DIAPH2: variants seen among roughly 807,000 people sequenced by gnomAD.
The protein encoded by DIAPH2 is protein diaphanous homolog 2.
DIAPH2 carries 35 observed loss-of-function variants against 92.7 expected under a neutral mutation model. That is an observed-to-expected ratio of 0.38 (90% CI 0.29 to 0.50). The LOEUF is 0.50. Among genes scored for constraint, DIAPH2 ranks in the 20% least tolerant of loss-of-function variants. The probability of loss-of-function intolerance (pLI) is 0.94; values close to 1 mark genes in which losing one functional copy is unlikely to be tolerated. For synonymous variants in DIAPH2, 301 were observed against 280.4 expected (o/e 1.07, Z -0.73); for missense variants, 701 against 819.5 (o/e 0.86, Z 1.77).
At chrX:97,104,146 T>TA (rs1466665723) in intron 20 of DIAPH2, among the ~76,000 whole-genome samples, 2 of 111,792 alleles carry the variant, frequency 1.8e-5, no homozygotes, top group East Asian at 5.6e-4. Flanking sequence ...TGACTGTCTA[T>TA]AATCCCAACT....
chrX:96,685,208 C>T lies in DIAPH2; in HGVS notation c.132+18C>T. ...CCAAATTGGTGAGTGCTCCCGCAGCCCCCGCCGGCCTTAGGGACAGGGAGA... is the reference window on the plus strand; with the variant it reads ...CCAAATTGGTGAGTGCTCCCGCAGCTCCCGCCGGCCTTAGGGACAGGGAGA... On this transcript the variant is annotated intron_variant, in intron 1 of 26. Transcript: ENST00000324765. 2.0e-6 allele frequency: 2 copies of T among 990,380 alleles called. No individual in the cohort carries two copies. Among genetic ancestry groups the T allele is most frequent in the Non-Finnish European group, 2.6e-6 (2 of 776,780 alleles). 81.6% of individuals were successfully genotyped at this position (990,380 alleles called of 1,213,427 possible).
chrX:96,846,725 A>T (rs2064974914), intron 4 of DIAPH2, among the ~76,000 whole-genome samples: 1 of 108,824 alleles, frequency 9.2e-6, no homozygotes, highest in Non-Finnish European at 1.9e-5. Flanking sequence ...AGTGTTTTTT[A>T]GTTGTATTTT....
chrX:97,273,901 T>C (rs1368123478), intron 23 of DIAPH2, among the ~76,000 whole-genome samples: 4 of 111,283 alleles, frequency 3.6e-5, no homozygotes, highest in Non-Finnish European at 7.5e-5. Context: ...CTCTTGGCCT[T>C]GACATCATTC....
intron 25 of DIAPH2, among the ~76,000 whole-genome samples, chrX:97,412,233 C>T (rs1386755391): frequency 2.7e-5 from 3 of 111,803 alleles, no homozygotes; most frequent in African/African-American, 9.7e-5. Context: ...CAAATTAGTA[C>T]TCAGGATTAA....
rs1241828535 is a variant in DIAPH2 at position 97,399,766 on chromosome X, A to G, written c.3145+15722A>G. 4.4e-5 allele frequency among the ~76,000 whole-genome samples: 5 copies of G among 112,503 alleles called. No homozygotes were observed. The South Asian group carries it at 1.5e-3, about 33-fold the overall frequency. On this transcript the variant is annotated intron_variant, in intron 25 of 26. Coordinates refer to ENST00000324765, the MANE Select transcript of DIAPH2 (RefSeq NM_006729.5). The stretch of plus-strand genomic sequence containing the variant: ...TTCACAGTTTTATTAGGCACTGTAG[A>G]AGGACCTGTTTTTCTCTTTCATTAC...
chrX:96,881,791 G>A, intron 5 of DIAPH2, 73 bp downstream of exon 5: 10 of 1,057,642 alleles, frequency 9.5e-6, no homozygotes, highest in Non-Finnish European at 1.3e-5. Context: ...AATATAATAA[G>A]TTTTGTTATT....
At chrX:97,165,512 G>A (rs2067405157) in intron 22 of DIAPH2, among the ~76,000 whole-genome samples, 1 of 110,496 alleles carries the variant, frequency 9.1e-6, no homozygotes, top group Non-Finnish European at 1.9e-5. Flanking sequence ...GTTTGTTTTT[G>A]AGACAGAGTC....
intron 23 of DIAPH2, among the ~76,000 whole-genome samples, chrX:97,323,844 A>C (rs188518332): frequency 9.7e-6 from 1 of 102,723 alleles, no homozygotes; most frequent in African/African-American, 3.6e-5. Context: ...CAGATGTTGC[A>C]GTGAGCCGAG....
intron 25 of DIAPH2, among the ~76,000 whole-genome samples, chrX:97,391,727 G>T (rs747468341): frequency 1.8e-5 from 2 of 110,714 alleles, no homozygotes; most frequent in African/African-American, 6.5e-5. Flanking sequence ...CAAAAGTAAG[G>T]TATCTTTATG....
chrX:97,310,493 G>A (rs2068784180), intron 23 of DIAPH2, among the ~76,000 whole-genome samples: 2 of 111,861 alleles, frequency 1.8e-5, no homozygotes, highest in African/African-American at 6.5e-5. Flanking sequence ...TTCTGAATAA[G>A]GATCTAAAGA....
intron 4 of DIAPH2, chrX:96,763,251 A>T: frequency 2.9e-6 from 1 of 350,019 alleles, no homozygotes; most frequent in Non-Finnish European, 4.3e-6. Context: ...GATGAATATT[A>T]TGATCAGGTG....
chrX:96,914,791 C>T (rs770890507), intron 7 of DIAPH2, among the ~76,000 whole-genome samples: 5 of 111,177 alleles, frequency 4.5e-5, no homozygotes, highest in Admixed American at 9.6e-5. Flanking sequence ...AGTTAGGCCA[C>T]GTTAATGTCT....
chrX:97,032,868 A>C (rs190560029), intron 17 of DIAPH2, among the ~76,000 whole-genome samples: 1 of 111,547 alleles, frequency 9.0e-6, no homozygotes, highest in Admixed American at 9.6e-5. Context: ...GGCTCTTTTA[A>C]GTTTTCAGTT....
intron 26 of DIAPH2, among the ~76,000 whole-genome samples, chrX:97,566,989 G>C (rs1169882661): frequency 9.0e-6 from 1 of 111,710 alleles, no homozygotes; most frequent in Non-Finnish European, 1.9e-5. Context: ...TTTTCTCTCT[G>C]TAACAGTGAT....
At chrX:97,055,125 G>A (rs1358669871) in intron 17 of DIAPH2, among the ~76,000 whole-genome samples, 1 of 106,625 alleles carries the variant, frequency 9.4e-6, no homozygotes, top group Admixed American at 1.0e-4. Flanking sequence ...TTGTAAACAT[G>A]AGGTCTTATT....
chrX:97,176,714 A>C (rs895799052), intron 22 of DIAPH2, among the ~76,000 whole-genome samples: 5 of 110,504 alleles, frequency 4.5e-5, no homozygotes, highest in Admixed American at 9.7e-5. Context: ...TTTTTAGTAG[A>C]GTCAGGGTTT....
chrX:97,160,311 A>T (rs2147438000), intron 22 of DIAPH2, among the ~76,000 whole-genome samples: 1 of 112,044 alleles, frequency 8.9e-6, no homozygotes, highest in Admixed American at 9.4e-5. Context: ...CTGAGATTTT[A>T]TCTATAGAAC....
intron 19 of DIAPH2, among the ~76,000 whole-genome samples, chrX:97,095,102 T>TTC (rs2066857288): frequency 4.2e-5 from 1 of 24,084 alleles, no homozygotes. Flanking sequence ...CTTTTTCTTT[T>TTC]TTTTTTTTTT....
chrX:97,339,930 A>ACCTAAAGTAATTTAT (rs2147679044), intron 23 of DIAPH2, among the ~76,000 whole-genome samples: 1 of 111,882 alleles, frequency 8.9e-6, no homozygotes, highest in African/African-American at 3.2e-5. Flanking sequence ...TTAGGTTATA[A>ACCTAAAGTAATTTAT]ATTACTCTGA....
Sources: allele counts gnomAD v4.1 joint callset (sites outside exome capture counted in the v4.1 genomes callset), GRCh38; gene constraint gnomAD v4.1.1; transcripts MANE v1.5; gene names NCBI Gene and HGNC (gene_info 2026-07-23, HGNC 2026-07-21).